MYRFL: variants seen among roughly 807,000 people sequenced by gnomAD.
MYRFL encodes myelin regulatory factor-like protein.
MYRFL carries 88 observed loss-of-function variants against 109.4 expected under a neutral mutation model. The ratio of observed to expected loss-of-function variants is 0.80; its 90% CI spans 0.68 to 0.96. The LOEUF is 0.96. Among genes scored for constraint, MYRFL ranks in the 40% least tolerant of loss-of-function variants. MYRFL has a pLI of 0.00. For synonymous variants in MYRFL, 324 were observed against 320.9 expected (o/e 1.01, Z -0.10); for missense variants, 957 against 954.9 (o/e 1.00, Z -0.03).
At chr12:69,835,754 G>A (rs1026032421) in intron 1 of MYRFL, among the ~76,000 whole-genome samples, 1 of 152,196 alleles carries the variant, frequency 6.6e-6, no homozygotes, top group African/African-American at 2.4e-5. Context: ...CACAGGGTGT[G>A]TGACAGGGGC....
chr12:69,829,045 G>A (rs537920020), intron 1 of MYRFL, among the ~76,000 whole-genome samples: 17 of 152,100 alleles, frequency 1.1e-4, no homozygotes, highest in African/African-American at 2.9e-4. Context: ...AAAGTATGCC[G>A]TGGGAAAAAC....
intron 1 of MYRFL, among the ~76,000 whole-genome samples, chr12:69,854,117 G>T (rs921602750): frequency 1.3e-5 from 2 of 152,226 alleles, no homozygotes. Flanking sequence ...GGCCGAGGCG[G>T]GCAGATCACT....
rs540102180 is a variant in MYRFL at position 69,837,814 on chromosome 12, C to G, written c.46+12251C>G. ...CTCAGGGGCTCCCAGTGTGTTTCCA[C>G]AGTACTTTGCACTTCACCTTTCAAA... On this transcript the variant is annotated intron_variant, in intron 1 of 24. Coordinates refer to ENST00000552032, the MANE Select transcript of MYRFL (RefSeq NM_182530.3). Among the ~76,000 whole-genome samples the G allele has an allele frequency of 7.9e-5, 12 of 152,286 alleles. 2 individuals are homozygous for G. In the East Asian group the frequency reaches 2.3e-3, roughly 29 times the overall value.
In MYRFL at chr12:69,891,056, C is replaced by A; in HGVS notation, c.793C>A (p.His265Asn). Residue 265 changes from histidine (H) to asparagine (N), a missense_variant, in exon 7 of 25, where the codon CAT becomes AAT. Coordinates refer to ENST00000552032, the MANE Select transcript of MYRFL (RefSeq NM_182530.3). ...AGCTTTTGTTTGCCAAAAGAAGAAT[C>A]ATTTCCAGATAACCATTCACATCCA... ...DEAFVCQKKN[H>N]FQITIHIQVW... 2 of 1,535,158 alleles carry A rather than the reference C, an allele frequency of 1.3e-6. No homozygotes were observed. The highest frequency in any genetic ancestry group is 1.2e-5 in the South Asian group (1 of 83,808).
intron 1 of MYRFL, among the ~76,000 whole-genome samples, chr12:69,842,866 TACTTA>T (rs1446284270): frequency 7.2e-5 from 11 of 152,252 alleles, no homozygotes; most frequent in African/African-American, 2.7e-4. Flanking sequence ...CGTTCATCAT[TACTTA>T]ACACCTTGCA....
chr12:69,862,795 G>A (rs1310231567), intron 2 of MYRFL, among the ~76,000 whole-genome samples: 1 of 152,202 alleles, frequency 6.6e-6, no homozygotes, highest in Non-Finnish European at 1.5e-5. Context: ...CGTTGAATAG[G>A]AGTGGTGAGA....
rs944288821 is a variant in MYRFL at position 69,825,366 on chromosome 12, A to G, written c.-152A>G. On this transcript the variant is annotated 5_prime_UTR_variant, in exon 1 of 25. Transcript: ENST00000552032. ...AAACTCAACCATCTTTCTGGGCACA[A>G]TTTGATGGCTGAAGATATGCTTCAC... The G allele has an allele frequency of 1.7e-5, 12 of 698,248 alleles. No individual in the cohort carries two copies. The highest frequency in any genetic ancestry group is 2.1e-5 in the Non-Finnish European group (8 of 382,438). 43.3% of individuals were successfully genotyped at this position (698,248 alleles called of 1,614,324 possible).
intron 1 of MYRFL, among the ~76,000 whole-genome samples, chr12:69,853,752 C>T (rs954663482): frequency 4.7e-5 from 7 of 148,104 alleles, no homozygotes; most frequent in Admixed American, 1.3e-4. Flanking sequence ...CCAGACTGGG[C>T]GGCGGGGCAG....
At chr12:69,870,339 A>T (rs1885283638) in intron 2 of MYRFL, among the ~76,000 whole-genome samples, 1 of 150,236 alleles carries the variant, frequency 6.7e-6, no homozygotes, top group African/African-American at 2.5e-5. Context: ...CGGCCTCCCG[A>T]ATCTCTTGAT....
At chr12:69,937,256 G>A (rs1955498636) in intron 19 of MYRFL, among the ~76,000 whole-genome samples, 1 of 151,892 alleles carries the variant, frequency 6.6e-6, no homozygotes, top group Non-Finnish European at 1.5e-5. Context: ...TCTTCCAAAT[G>A]TATACTAATT....
chr12:69,841,129 T>C (rs1883220197), intron 1 of MYRFL, among the ~76,000 whole-genome samples: 2 of 152,156 alleles, frequency 1.3e-5, no homozygotes, highest in Admixed American at 1.3e-4. Flanking sequence ...GATTCCAGGT[T>C]GTTAGGTGGA....
intron 19 of MYRFL, among the ~76,000 whole-genome samples, chr12:69,950,015 T>TATC (rs1955936757): frequency 6.6e-6 from 1 of 152,188 alleles, no homozygotes; most frequent in Non-Finnish European, 1.5e-5. Flanking sequence ...TAGGTGTAAT[T>TATC]ATCATTGTTA....
intron 1 of MYRFL, among the ~76,000 whole-genome samples, chr12:69,853,249 C>T (rs1451776556): frequency 6.6e-6 from 1 of 151,144 alleles, no homozygotes. Context: ...GGCGGCTGGC[C>T]GGGCAGGGGC....
intron 15 of MYRFL, among the ~76,000 whole-genome samples, chr12:69,929,746 T>C (rs967834667): frequency 3.9e-5 from 6 of 152,232 alleles, no homozygotes; most frequent in African/African-American, 1.4e-4. Flanking sequence ...GGGGTTCAAA[T>C]TCCTGGCTGT....
intron 19 of MYRFL, among the ~76,000 whole-genome samples, chr12:69,945,753 C>T (rs193136991): frequency 0.034 from 5,219 of 151,454 alleles, 296 homozygotes; most frequent in African/African-American, 0.12. Context: ...TTTGGGAGGC[C>T]GAGGCGGGCG....
intron 22 of MYRFL, 90 bp from the exon 23 acceptor site, chr12:69,957,732 C>T: frequency 7.2e-7 from 1 of 1,397,166 alleles, no homozygotes; most frequent in South Asian, 1.6e-5. Context: ...AAGTTACGTT[C>T]CCATTAGATC....
chr12:69,852,901 G>C (rs1168318308), intron 1 of MYRFL, among the ~76,000 whole-genome samples: 2 of 152,030 alleles, frequency 1.3e-5, no homozygotes, highest in Admixed American at 6.6e-5. Context: ...CACGGGGTTG[G>C]GGGTAAGGTT....
chr12:69,852,073 T>C (rs1047471251), intron 1 of MYRFL, among the ~76,000 whole-genome samples: 6 of 152,250 alleles, frequency 3.9e-5, no homozygotes, highest in Non-Finnish European at 8.8e-5. Flanking sequence ...GGAGAAATAG[T>C]TGAATTGGTC....
At chr12:69,918,178 G>C (rs1490001793) in intron 13 of MYRFL, among the ~76,000 whole-genome samples, 1 of 152,156 alleles carries the variant, frequency 6.6e-6, no homozygotes, top group Non-Finnish European at 1.5e-5. Flanking sequence ...TATCAGAAGG[G>C]CTGGGCACTT....
Sources: allele counts gnomAD v4.1 joint callset (sites outside exome capture counted in the v4.1 genomes callset), GRCh38; gene constraint gnomAD v4.1.1; transcripts MANE v1.5; gene names NCBI Gene and HGNC (gene_info 2026-07-23, HGNC 2026-07-21).